BNC2: variants seen among roughly 807,000 people sequenced by gnomAD.
BNC2 encodes the protein basonuclin zinc finger protein 2.
In BNC2, 20 loss-of-function variants were observed where a neutral mutation model predicts 76.3. That is an observed-to-expected ratio of 0.26 (90% CI 0.18 to 0.38). The LOEUF (loss-of-function observed/expected upper bound fraction) is 0.38. Among genes scored for constraint, BNC2 ranks in the 10% least tolerant of loss-of-function variants. The pLI is 1.00. For synonymous variants in BNC2, 582 were observed against 514.8 expected (o/e 1.13, Z -1.77); for missense variants, 1,382 against 1,399.8 (o/e 0.99, Z 0.20).
chr9:16,691,395 A>G (rs1823157877), intron 3 of BNC2, among the ~76,000 whole-genome samples: 1 of 151,610 alleles, frequency 6.6e-6, no homozygotes, highest in African/African-American at 2.4e-5. Flanking sequence ...ACATCCTACT[A>G]TTGGACAGAT....
chr9:16,716,077 A>G (rs1452168821), intron 3 of BNC2, among the ~76,000 whole-genome samples: 2 of 152,174 alleles, frequency 1.3e-5, no homozygotes, highest in East Asian at 3.9e-4. Context: ...TCAATCAGCC[A>G]CCTATTTCTC....
chr9:16,454,780 T>C (rs1272851234), intron 5 of BNC2, among the ~76,000 whole-genome samples: 1 of 152,212 alleles, frequency 6.6e-6, no homozygotes, highest in East Asian at 1.9e-4. Context: ...CAGTCACATT[T>C]GCAAATGTAG....
intron 1 of BNC2, among the ~76,000 whole-genome samples, chr9:16,807,894 A>T (rs1817950492): frequency 6.6e-6 from 1 of 152,174 alleles, no homozygotes; most frequent in Non-Finnish European, 1.5e-5. Context: ...CAAAAATAGA[A>T]TTTTATAAAT....
intron 3 of BNC2, among the ~76,000 whole-genome samples, chr9:16,680,950 A>G (rs927120327): frequency 1.3e-5 from 2 of 152,214 alleles, no homozygotes; most frequent in East Asian, 1.9e-4. Context: ...ATCAAACCAA[A>G]TAAGTTGAAT....
At chr9:16,739,956 A>C (rs4363290) in intron 1 of BNC2, among the ~76,000 whole-genome samples, 1,709 of 152,334 alleles carry the variant, frequency 0.011, 16 homozygotes, top group Non-Finnish European at 0.016. Context: ...GAAATGTTAG[A>C]AAACAGACTG....
At chr9:16,813,148 A>T (rs1038972702) in intron 1 of BNC2, among the ~76,000 whole-genome samples, 1 of 152,156 alleles carries the variant, frequency 6.6e-6, no homozygotes, top group Non-Finnish European at 1.5e-5. Context: ...CAGTGAGCTG[A>T]GATGGCGCCA....
At chr9:16,568,325 A>T (rs1819224222) in intron 4 of BNC2, among the ~76,000 whole-genome samples, 1 of 152,124 alleles carries the variant, frequency 6.6e-6, no homozygotes, top group East Asian at 1.9e-4. Flanking sequence ...CTGGGGTCAG[A>T]TTTTAAAGTT....
chr9:16,516,438 G>C (rs1817442675), intron 5 of BNC2, among the ~76,000 whole-genome samples: 1 of 151,448 alleles, frequency 6.6e-6, no homozygotes, highest in Admixed American at 6.6e-5. Flanking sequence ...TTATGCAGCT[G>C]TCAAGATAAC....
intron 5 of BNC2, among the ~76,000 whole-genome samples, chr9:16,550,874 T>G (rs1252813426): frequency 6.6e-6 from 1 of 152,206 alleles, no homozygotes; most frequent in Non-Finnish European, 1.5e-5. Flanking sequence ...TTTCTCTTTG[T>G]GTAGGGTAAA....
chr9:16,755,029 C>T (rs1041361516), intron 1 of BNC2, among the ~76,000 whole-genome samples: 1 of 152,198 alleles, frequency 6.6e-6, no homozygotes, highest in South Asian at 2.1e-4. Context: ...ATTGCCCACA[C>T]TTATGGGAGA....
At chr9:16,798,214 G>T (rs902386683) in intron 1 of BNC2, among the ~76,000 whole-genome samples, 5 of 152,142 alleles carry the variant, frequency 3.3e-5, no homozygotes, top group African/African-American at 7.2e-5. Flanking sequence ...GATTCGAATA[G>T]GCACAGCCTC....
chr9:16,724,053 A>G (rs537493502), intron 3 of BNC2, among the ~76,000 whole-genome samples: 1 of 152,140 alleles, frequency 6.6e-6, no homozygotes, highest in South Asian at 2.1e-4. Flanking sequence ...TTATAATCCT[A>G]ACTTAGTATT....
chr9:16,782,548 G>A (rs921887870), intron 1 of BNC2, among the ~76,000 whole-genome samples: 1 of 151,986 alleles, frequency 6.6e-6, no homozygotes, highest in Non-Finnish European at 1.5e-5. Flanking sequence ...GTTGTTCTTT[G>A]TACCAGAAGC....
intron 1 of BNC2, among the ~76,000 whole-genome samples, chr9:16,868,520 C>G (rs757073251): frequency 2.0e-5 from 3 of 152,136 alleles, no homozygotes; most frequent in Non-Finnish European, 2.9e-5. Flanking sequence ...TATTCTTATT[C>G]AAAGTCTTAC....
chr9:16,590,068 G>A (rs1341686547), intron 3 of BNC2, among the ~76,000 whole-genome samples: 1 of 151,884 alleles, frequency 6.6e-6, no homozygotes, highest in South Asian at 2.1e-4. Context: ...AGACCAGCCT[G>A]GGCAACATGG....
chr9:16,486,597 A>G (rs987955725), intron 5 of BNC2, among the ~76,000 whole-genome samples: 1 of 152,248 alleles, frequency 6.6e-6, no homozygotes, highest in African/African-American at 2.4e-5. Flanking sequence ...TATATTCCTC[A>G]GAAACATTTA....
At chr9:16,430,422 G>C (rs151150583) in intron 6 of BNC2, among the ~76,000 whole-genome samples, 2 of 152,190 alleles carry the variant, frequency 1.3e-5, no homozygotes, top group African/African-American at 4.8e-5. Flanking sequence ...TTGGTGCTAA[G>C]TGGCTCATTT....
At chr9:16,654,602 A>G (rs1463033483) in intron 3 of BNC2, among the ~76,000 whole-genome samples, 1 of 152,166 alleles carries the variant, frequency 6.6e-6, no homozygotes, top group Non-Finnish European at 1.5e-5. Flanking sequence ...GTTTTGTCTG[A>G]GTTAATTTGT....
chr9:16,438,618 A>C (rs1017686067), intron 5 of BNC2, among the ~76,000 whole-genome samples: 1 of 152,132 alleles, frequency 6.6e-6, no homozygotes, highest in African/African-American at 2.4e-5. Flanking sequence ...ATTTCTTCCC[A>C]TTGGGACAGC....
Sources: gnomAD v4.1 joint callset for allele counts (sites outside exome capture counted in the v4.1 genomes callset) on GRCh38, gnomAD v4.1.1 for gene constraint, MANE v1.5 for transcripts, NCBI Gene and HGNC (gene_info 2026-07-23, HGNC 2026-07-21) for gene names.